The following ARFGEF3 variants were observed in gnomAD, a reference collection of about 807,000 sequenced individuals.
ARFGEF3 encodes brefeldin A-inhibited guanine nucleotide-exchange protein 3.
In ARFGEF3, 96 loss-of-function variants were observed where a neutral mutation model predicts 221.7. The observed-to-expected ratio is 0.43, with a 90% CI of 0.37 to 0.51. ARFGEF3 has a LOEUF of 0.51. Among genes scored for constraint, ARFGEF3 ranks in the 20% least tolerant of loss-of-function variants. The pLI is 0.00. For synonymous variants in ARFGEF3, 1,145 were observed against 1,126.8 expected, an observed-to-expected ratio of 1.02 and a Z score of -0.32; for missense variants, 2,410 against 2,789.9, an observed-to-expected ratio of 0.86 and a Z score of 3.07.
intron 6 of ARFGEF3, among the ~76,000 whole-genome samples, chr6:138,238,911 T>A (rs1778343107): frequency 2.6e-5 from 4 of 152,176 alleles, no homozygotes; most frequent in African/African-American, 9.7e-5. Context: ...ATACTGAAAA[T>A]TTTTATTAGA....
chr6:138,282,002 T>G (rs566269476), intron 14 of ARFGEF3, among the ~76,000 whole-genome samples: 18 of 152,314 alleles, frequency 1.2e-4, no homozygotes, highest in African/African-American at 4.3e-4. Flanking sequence ...TCCCCCAGGC[T>G]GGAGTACAGT....
rs544535740 is a variant in ARFGEF3 at position 138,226,717 on chromosome 6, A to G, written c.352-3067A>G. 2.6e-5 allele frequency among the ~76,000 whole-genome samples: 4 copies of G among 152,358 alleles called. No individual in the cohort carries two copies. The South Asian group carries it at 8.3e-4, about 32-fold the overall frequency. Reference sequence around the variant, plus strand: ...AATCTAAACTTGTTGCCCTCTCATTATGCAATGGAAGTCAGATGATTTCAA... The same window carrying G: ...AATCTAAACTTGTTGCCCTCTCATTGTGCAATGGAAGTCAGATGATTTCAA... On this transcript the variant is annotated intron_variant, in intron 4 of 33. Transcript: ENST00000251691.
At chr6:138,241,604 G>T (rs1778394158) in intron 6 of ARFGEF3, among the ~76,000 whole-genome samples, 1 of 152,170 alleles carries the variant, frequency 6.6e-6, no homozygotes, top group Non-Finnish European at 1.5e-5. Context: ...CCTAAAGCTG[G>T]CTTAATAAAA....
At chr6:138,228,712 T>A (rs568924142) in intron 4 of ARFGEF3, among the ~76,000 whole-genome samples, 14 of 152,216 alleles carry the variant, frequency 9.2e-5, no homozygotes, top group Non-Finnish European at 2.1e-4. Flanking sequence ...GGGGAGAGAT[T>A]TCTTGTCACA....
intron 8 of ARFGEF3, among the ~76,000 whole-genome samples, chr6:138,253,389 A>C (rs1458934551): frequency 6.6e-6 from 1 of 152,108 alleles, no homozygotes; most frequent in Non-Finnish European, 1.5e-5. Context: ...TGAGTACCTT[A>C]AACAAGAGTT....
chr6:138,272,381 T>C (rs544570072), intron 12 of ARFGEF3, among the ~76,000 whole-genome samples: 25 of 152,310 alleles, frequency 1.6e-4, no homozygotes, highest in African/African-American at 6.0e-4. Flanking sequence ...GGTCTTGAAC[T>C]CCTGACATCA....
chr6:138,272,503 G>GA (rs1414301037), intron 12 of ARFGEF3, among the ~76,000 whole-genome samples: 20 of 152,108 alleles, frequency 1.3e-4, no homozygotes, highest in African/African-American at 4.8e-4. Flanking sequence ...TTAATGATAT[G>GA]AAAAAATATC....
rs1287364890 is a variant in ARFGEF3, at chr6:138,344,168, A to AT, written c.*7683dup. 1.3e-5 allele frequency: 2 copies of AT among 152,204 alleles called. No homozygotes were observed. The highest frequency in any genetic ancestry group is 4.8e-5 in the African/African-American group (2 of 41,440). The allele number at this position is 152,204 out of a possible 1,614,324, so 9.4% of individuals were successfully genotyped here. A position where few individuals can be genotyped will look rare whatever the true frequency, so the allele number is the denominator to read the frequency against. On this transcript the variant is annotated 3_prime_UTR_variant, in exon 34 of 34. Coordinates refer to ENST00000251691, the MANE Select transcript of ARFGEF3 (RefSeq NM_020340.5). ...GGGTCCTTTTATTCCTTATAGTATT[A>AT]TGCCAAAGAATCAACTTATTTTCAT...
intron 21 of ARFGEF3, 150 bp downstream of exon 21, chr6:138,297,105 T>C: frequency 1.2e-6 from 1 of 847,798 alleles, no homozygotes; most frequent in South Asian, 1.8e-5. Context: ...AACATCACTG[T>C]TTTCTGGTTA....
chr6:138,296,114 G>A (rs1453657321), intron 20 of ARFGEF3, among the ~76,000 whole-genome samples: 1 of 152,098 alleles, frequency 6.6e-6, no homozygotes, highest in Non-Finnish European at 1.5e-5. Flanking sequence ...GGCACCAAGA[G>A]AGCCCCGCCC....
Position 138,248,774 on chromosome 6 carries a change from G to A in ARFGEF3, c.665+3183G>A, listed in dbSNP as rs549849493. On this transcript the variant is annotated intron_variant, in intron 8 of 33. Transcript: ENST00000251691. ...CAGGGAGGCAGAGGTTGCATGAGCT[G>A]AGACTGCGCCATTGCACTCCAGCCT... Among the ~76,000 whole-genome samples the A allele has an allele frequency of 2.6e-5, 4 of 152,264 alleles. No homozygotes were observed. In the East Asian group the frequency reaches 7.7e-4, roughly 29 times the overall value.
intron 2 of ARFGEF3, among the ~76,000 whole-genome samples, chr6:138,184,122 A>G (rs558729259): frequency 7.2e-5 from 11 of 152,194 alleles, no homozygotes; most frequent in Middle Eastern, 3.2e-3. Context: ...TAAAATTTGG[A>G]TTGTATCTAT....
chr6:138,218,596 TC>T, intron 4 of ARFGEF3: 1 of 970,426 alleles, frequency 1.0e-6, no homozygotes. Context: ...ATTTGATTAT[TC>T]CAGAAGAGCT....
At chr6:138,290,202 G>A (rs914592952) in intron 18 of ARFGEF3, among the ~76,000 whole-genome samples, 1 of 152,224 alleles carries the variant, frequency 6.6e-6, no homozygotes, top group Non-Finnish European at 1.5e-5. Flanking sequence ...CTGAGGAATT[G>A]TGACTTTTCT....
At chr6:138,318,665 TTATCTC>T (rs1779968694) in intron 27 of ARFGEF3, among the ~76,000 whole-genome samples, 2 of 152,364 alleles carry the variant, frequency 1.3e-5, no homozygotes, top group Admixed American at 1.3e-4. Context: ...CAAAATGTGA[TTATCTC>T]TAGATGAGTT....
chr6:138,169,827 A>G (rs1776792459), intron 1 of ARFGEF3, among the ~76,000 whole-genome samples: 1 of 152,204 alleles, frequency 6.6e-6, no homozygotes, highest in African/African-American at 2.4e-5. Context: ...CTTAGCCTTG[A>G]GTCTCTGATA....
chr6:138,202,450 T>C (rs1007909980), intron 2 of ARFGEF3, among the ~76,000 whole-genome samples: 3 of 152,120 alleles, frequency 2.0e-5, no homozygotes, highest in African/African-American at 7.2e-5. Context: ...TGAATTTCCT[T>C]CTTTTGCATA....
chr6:138,245,302 C>CA (rs1238663748), intron 7 of ARFGEF3, among the ~76,000 whole-genome samples: 1 of 151,944 alleles, frequency 6.6e-6, no homozygotes, highest in Admixed American at 6.6e-5. Context: ...GCTCTGTCTC[C>CA]AAAAAATAAA....
At position 138,317,386 on chromosome 6, in the gene ARFGEF3, ATTTCTGTGTCCGTC is replaced by A; in HGVS notation, c.4474+11_4474+24del. The A allele has an allele frequency of 6.2e-7, 1 of 1,613,804 alleles. No homozygotes were observed. The highest frequency in any genetic ancestry group is 1.3e-5 in the African/African-American group (1 of 75,032). ...GATGTGACGAAAACACCAGGTAAAT[ATTTCTGTGTCCGTC>A]TTTTGGGGGAGTGGTTATACATGTA... On this transcript the variant is annotated splice_region_variant and intron_variant, in intron 27 of 33. Coordinates refer to ENST00000251691, the MANE Select transcript of ARFGEF3 (RefSeq NM_020340.5).
Sources: allele counts gnomAD v4.1 joint callset (sites outside exome capture counted in the v4.1 genomes callset), GRCh38; gene constraint gnomAD v4.1.1; transcripts MANE v1.5; gene names NCBI Gene and HGNC (gene_info 2026-07-23, HGNC 2026-07-21).